CENPF: variants seen among roughly 807,000 people sequenced by gnomAD.
The protein encoded by CENPF is AH antigen.
A neutral mutation model predicts 307.3 loss-of-function variants in CENPF; 214 were observed. The ratio of observed to expected loss-of-function variants is 0.70; its 90% CI spans 0.62 to 0.78. The LOEUF (loss-of-function observed/expected upper bound fraction) is 0.78. CENPF is among the 30% of genes least tolerant of loss of function. CENPF has a pLI of 0.00. For synonymous variants in CENPF, 1,259 were observed against 1,270.6 expected, an observed-to-expected ratio of 0.99 and a Z score of 0.19; for missense variants, 3,401 against 3,483.9, an observed-to-expected ratio of 0.98 and a Z score of 0.60.
chr1:214,612,184 A>G (rs1371459268), intron 1 of CENPF, among the ~76,000 whole-genome samples: 1 of 152,112 alleles, frequency 6.6e-6, no homozygotes, highest in Non-Finnish European at 1.5e-5. Context: ...TTTTAACGTG[A>G]AGGGATGTTG....
At chr1:214,639,613 G>A (rs1023962322) in intron 11 of CENPF, among the ~76,000 whole-genome samples, 2 of 152,112 alleles carry the variant, frequency 1.3e-5, no homozygotes, top group Admixed American at 1.3e-4. Flanking sequence ...CACATACAAA[G>A]AAAAGAAACA....
In CENPF at chr1:214,630,575, G is replaced by A; in HGVS notation, c.1236G>A (p.Gln412=). The change falls in exon 9 of 20, where the codon CAG becomes CAA. Residue 412 remains glutamine (Q), a synonymous_variant. Transcript: ENST00000366955. ...RQQRSFQTLD[Q]ECIQMKARLT... is the part of the protein sequence containing the mutation. ...AGCGTTCTTTCCAAACACTGGACCA[G>A]GAGTGCATCCAGATGAAGGCCAGAC... The A allele has an allele frequency of 3.1e-6, 5 of 1,614,138 alleles. No homozygotes were observed. The highest frequency in any genetic ancestry group is 4.2e-6 in the Non-Finnish European group (5 of 1,180,016).
chr1:214,627,550 A>G lies in CENPF; in HGVS notation c.1069-1496A>G, dbSNP rs1412607943. Among the ~76,000 whole-genome samples, 3 of 150,276 alleles carry G rather than the reference A, an allele frequency of 2.0e-5. No homozygotes were observed. In the East Asian group the frequency reaches 6.0e-4, roughly 30 times the overall value. On this transcript the variant is annotated intron_variant, in intron 7 of 19. Transcript: ENST00000366955. ...CACCATGCCCAGCTAATTTTTTTGT[A>G]TTTTTAGTAGAGACAGGGTTTCACC...
chr1:214,606,177 A>C, intron 1 of CENPF: 1 of 1,215,814 alleles, frequency 8.2e-7, no homozygotes, highest in South Asian at 1.5e-5. Flanking sequence ...GCGACCCTCC[A>C]GTCTCCCCAC....
chr1:214,615,875 G>C (rs559109884), intron 3 of CENPF, among the ~76,000 whole-genome samples: 1 of 152,150 alleles, frequency 6.6e-6, no homozygotes, highest in South Asian at 2.1e-4. Context: ...GGAGGTGGAA[G>C]TTGCAGTGAG....
At chr1:214,615,802 A>G (rs1472036681) in intron 3 of CENPF, among the ~76,000 whole-genome samples, 1 of 151,996 alleles carries the variant, frequency 6.6e-6, no homozygotes, top group Non-Finnish European at 1.5e-5. Context: ...AGCGAGGTGT[A>G]GTGGCGGGCA....
chr1:214,640,371 A>G lies in CENPF; in HGVS notation c.2033A>G (p.Glu678Gly). Residue 678 changes from glutamate (E) to glycine (G), a missense_variant, in exon 12 of 20, where the codon GAG becomes GGG. Transcript: ENST00000366955. ...ATGGACAGAGAAAACCTAAGTGTCG[A>G]GATCAGAAACCTTCACAACGTGTTA... ...LEMDRENLSV[E>G]IRNLHNVLDS... 6.2e-7 allele frequency: 1 copy of G among 1,614,042 alleles called. No homozygotes were observed. The highest frequency in any genetic ancestry group is 8.5e-7 in the Non-Finnish European group (1 of 1,180,014).
chr1:214,660,569 T>C (rs1658764014), intron 19 of CENPF, among the ~76,000 whole-genome samples: 1 of 152,226 alleles, frequency 6.6e-6, no homozygotes, highest in Non-Finnish European at 1.5e-5. Flanking sequence ...ATCCACTGGA[T>C]ACTGAATACA....
Position 214,642,470 on chromosome 1 carries a change from C to G in CENPF, c.4132C>G (p.Pro1378Ala), listed in dbSNP as rs888301710. 1 of 1,604,574 alleles carries G rather than the reference C, an allele frequency of 6.2e-7. No individual in the cohort carries two copies. The change falls in exon 12 of 20, where the codon CCT becomes GCT. Residue 1378 changes from proline (P) to alanine (A), a missense_variant. By Grantham distance (27) the Pro-to-Ala change is conservative (BLOSUM62 -1). Transcript: ENST00000366955. ...TGGTGAACAACCAAATGAACAGCAC[C>G]CTGTGTCTTTGGCTCCATTGGACGA... The part of the protein sequence containing the change: ...EFGEQPNEQH[P>A]VSLAPLDESN...
chr1:214,610,813 T>G (rs915686119), intron 1 of CENPF, among the ~76,000 whole-genome samples: 3 of 152,206 alleles, frequency 2.0e-5, no homozygotes, highest in African/African-American at 7.2e-5. Context: ...TTTTATAGTT[T>G]GGGGTTTTAC....
In CENPF at chr1:214,640,155, A is replaced by G. The variant is rs147826307; in HGVS notation, c.1817A>G (p.Lys606Arg). ...KALLSALELK[K>R]KEYEELKEEK... is the part of the protein sequence containing the mutation. Reference sequence around the variant, plus strand: ...TTGCTGAGTGCTTTAGAGTTAAAAAAGAAAGAATATGAAGAATTGAAAGAA... The same window carrying G: ...TTGCTGAGTGCTTTAGAGTTAAAAAGGAAAGAATATGAAGAATTGAAAGAA... The change falls in exon 12 of 20, where the codon AAG becomes AGG. Residue 606 changes from lysine (K) to arginine (R), a missense_variant. Lys to Arg is a conservative substitution (Grantham distance 26). Transcript: ENST00000366955. 6 of 1,584,934 alleles carry G rather than the reference A, an allele frequency of 3.8e-6. No homozygotes were observed. The highest frequency in any genetic ancestry group is 4.3e-6 in the Non-Finnish European group (5 of 1,172,802).
Position 214,630,502 on chromosome 1 carries a change from T to C in CENPF, c.1195-32T>C, listed in dbSNP as rs201465516. 3.7e-6 allele frequency: 6 copies of C among 1,613,168 alleles called. No individual in the cohort carries two copies. The East Asian group carries it at 1.3e-4, about 36-fold the overall frequency. Reference sequence around the variant, plus strand: ...CTGGAGTCTCCCTAGCGAACCATCATCAGGCTGATGCACCTGCCCTTTGTT... The same window carrying C: ...CTGGAGTCTCCCTAGCGAACCATCACCAGGCTGATGCACCTGCCCTTTGTT... On this transcript the variant is annotated intron_variant, in intron 8 of 19. Transcript: ENST00000366955.
At chr1:214,656,859 A>C (rs558319740) in intron 17 of CENPF, 74 bp from the exon 18 acceptor site, 1 of 976,208 alleles carries the variant, frequency 1.0e-6, no homozygotes, top group African/African-American at 1.6e-5. Flanking sequence ...GTCTAAGATT[A>C]TCTGCTTCAC....
intron 3 of CENPF, among the ~76,000 whole-genome samples, chr1:214,616,841 CTTTCTTTCTTTCTT>C (rs1657356411): frequency 7.7e-3 from 19 of 2,454 alleles, no homozygotes; most frequent in South Asian, 0.031. Context: ...CTTCCTCTTT[CTTTCTTTCTTTCTT>C]TCTTTCTTTC....
chr1:214,650,825 G>A (rs978372113), intron 14 of CENPF, among the ~76,000 whole-genome samples: 1 of 152,164 alleles, frequency 6.6e-6, no homozygotes, highest in African/African-American at 2.4e-5. Flanking sequence ...GATTGAGGCT[G>A]CAGTGAGCCA....
chr1:214,650,152 C>T (rs922402548), intron 14 of CENPF, among the ~76,000 whole-genome samples: 1 of 152,152 alleles, frequency 6.6e-6, no homozygotes, highest in East Asian at 1.9e-4. Context: ...GGGTGGTCAG[C>T]AGATGTCACT....
chr1:214,630,194 T>A (rs770326699), intron 8 of CENPF, among the ~76,000 whole-genome samples: 38 of 152,232 alleles, frequency 2.5e-4, no homozygotes, highest in Non-Finnish European at 3.7e-4. Context: ...GGTTTCTTAG[T>A]TGAGCTTTGA....
At position 214,643,000 on chromosome 1, in the gene CENPF, C is replaced by T; in HGVS notation, c.4662C>T (p.Ser1554=). 4 of 1,609,720 alleles carry T rather than the reference C, an allele frequency of 2.5e-6. No homozygotes were observed. The highest frequency in any genetic ancestry group is 3.4e-6 in the Non-Finnish European group (4 of 1,178,800). ...APAKGVEELE[S]LCEVYRQSLE... is the part of the protein sequence containing the mutation. ...CGAAGGGTGTTGAAGAGCTTGAGTCCCTCTGTGAGGTGTACCGGCAGTCCC... is the reference window on the plus strand; with the variant it reads ...CGAAGGGTGTTGAAGAGCTTGAGTCTCTCTGTGAGGTGTACCGGCAGTCCC... Residue 1554 remains serine (S), a synonymous_variant, in exon 12 of 20, where the codon TCC becomes TCT. Coordinates refer to ENST00000366955, the MANE Select transcript of CENPF (RefSeq NM_016343.4).
intron 1 of CENPF, among the ~76,000 whole-genome samples, chr1:214,607,448 A>G (rs1389435224): frequency 6.6e-6 from 1 of 152,118 alleles, no homozygotes; most frequent in Non-Finnish European, 1.5e-5. Context: ...AGCGCCCCAC[A>G]CTGCTGGGAG....
Sources: gnomAD v4.1 joint callset for allele counts (sites outside exome capture counted in the v4.1 genomes callset) on GRCh38, gnomAD v4.1.1 for gene constraint, MANE v1.5 for transcripts, NCBI Gene and HGNC (gene_info 2026-07-23, HGNC 2026-07-21) for gene names.